ZEB2: variants seen among roughly 807,000 people sequenced by gnomAD.
The protein encoded by ZEB2 is zinc finger E-box binding homeobox 2.
In ZEB2, 6 loss-of-function variants were observed where a neutral mutation model predicts 99.9. The observed-to-expected ratio is 0.06, with a 90% CI of 0.03 to 0.12. The LOEUF is 0.12. ZEB2 is among the 10% of genes least tolerant of loss of function. The probability of loss-of-function intolerance (pLI) is 1.00; values close to 1 mark genes in which losing one functional copy is unlikely to be tolerated. For missense variants in ZEB2, 969 were observed against 1,502.8 expected (o/e 0.64, Z 5.87); for synonymous variants, 517 against 542.5 (o/e 0.95, Z 0.65).
At chr2:144,451,356 T>C (rs1447173241) in intron 2 of ZEB2, among the ~76,000 whole-genome samples, 1 of 152,168 alleles carries the variant, frequency 6.6e-6, no homozygotes, top group Non-Finnish European at 1.5e-5. Context: ...CATCCACTGT[T>C]TTTTCGGTAT....
intron 4 of ZEB2, among the ~76,000 whole-genome samples, chr2:144,419,771 C>T (rs1036358538): frequency 1.3e-5 from 2 of 151,998 alleles, no homozygotes; most frequent in South Asian, 2.1e-4. Flanking sequence ...GAAAGCATTA[C>T]AATTTTGTTC....
intron 2 of ZEB2, among the ~76,000 whole-genome samples, chr2:144,468,318 T>C (rs6717029): frequency 0.78 from 119,266 of 152,118 alleles, 47,131 homozygotes; most frequent in Non-Finnish European, 0.83. Flanking sequence ...GTTGCTAAGT[T>C]GGACACAAAA....
chr2:144,410,336 G>T (rs1312985730), intron 4 of ZEB2, among the ~76,000 whole-genome samples: 1 of 152,064 alleles, frequency 6.6e-6, no homozygotes, highest in Non-Finnish European at 1.5e-5. Context: ...CAATATGTTG[G>T]CCACTCTTAC....
Position 144,418,826 on chromosome 2 carries a change from G to A in ZEB2, c.403+5970C>T, listed in dbSNP as rs1444587106. Among the ~76,000 whole-genome samples the A allele has an allele frequency of 2.6e-5, 4 of 152,040 alleles. No individual in the cohort carries two copies. In the East Asian group the frequency reaches 7.7e-4, roughly 29 times the overall value. On this transcript the variant is annotated intron_variant, in intron 4 of 9. Coordinates refer to ENST00000627532, the MANE Select transcript of ZEB2 (RefSeq NM_014795.4). Reference sequence around the variant, plus strand: ...ATGACACAATGGACTTTGGGGAAATGGTGGGAGGGTGATGAGGGAAAAAAA... The same window carrying A: ...ATGACACAATGGACTTTGGGGAAATAGTGGGAGGGTGATGAGGGAAAAAAA...
intron 2 of ZEB2, among the ~76,000 whole-genome samples, chr2:144,433,577 T>C (rs1268857137): frequency 6.6e-6 from 1 of 152,186 alleles, no homozygotes; most frequent in Non-Finnish European, 1.5e-5. Flanking sequence ...ATTTGCTTTA[T>C]AGCAAATGGG....
chr2:144,451,641 G>A (rs1386733653), intron 2 of ZEB2, among the ~76,000 whole-genome samples: 1 of 152,144 alleles, frequency 6.6e-6, no homozygotes, highest in Non-Finnish European at 1.5e-5. Flanking sequence ...GGTTCATTTG[G>A]GAAGCTAGCA....
intron 2 of ZEB2, among the ~76,000 whole-genome samples, chr2:144,432,275 C>T (rs1175743552): frequency 6.6e-6 from 1 of 152,154 alleles, no homozygotes; most frequent in Non-Finnish European, 1.5e-5. Flanking sequence ...AGGGTTTGTG[C>T]TCACAAATAG....
At chr2:144,514,391 G>C (rs1183029472) in intron 2 of ZEB2, 1 of 151,998 alleles carries the variant, frequency 6.6e-6, no homozygotes, top group Non-Finnish European at 1.5e-5. Flanking sequence ...TTCCCTTCCA[G>C]CTTCTACTTA....
At chr2:144,408,818 C>T (rs1271476185) in intron 4 of ZEB2, among the ~76,000 whole-genome samples, 1 of 152,180 alleles carries the variant, frequency 6.6e-6, no homozygotes, top group Non-Finnish European at 1.5e-5. Context: ...GAGCCAATCT[C>T]AGTCCTCTCT....
At chr2:144,502,736 T>C (rs539469479) in intron 2 of ZEB2, among the ~76,000 whole-genome samples, 1 of 152,198 alleles carries the variant, frequency 6.6e-6, no homozygotes, top group Non-Finnish European at 1.5e-5. Flanking sequence ...TTTCTTTAGA[T>C]AGGCGAGCTG....
rs1451219938 is a variant in ZEB2, at chr2:144,517,323, G to A, written c.28C>T (p.Pro10Ser). 1.2e-6 allele frequency: 2 copies of A among 1,613,572 alleles called. No individual in the cohort carries two copies. Among genetic ancestry groups the A allele is most frequent in the Admixed American group, 3.3e-5 (2 of 60,024 alleles). Residue 10 changes from proline to serine, a missense_variant, in exon 2 of 10, where the codon CCC (proline) becomes TCC (serine). Coordinates refer to ENST00000627532, the MANE Select transcript of ZEB2 (RefSeq NM_014795.4). MKQPIMADG[P>S]RCKRRKQANP... ...GCTTGTTTGCGCCTCTTGCACCGGGGGCCATCCGCCATGATCGGCTGCTTC... is the reference window on the plus strand; with the variant it reads ...GCTTGTTTGCGCCTCTTGCACCGGGAGCCATCCGCCATGATCGGCTGCTTC...
At position 144,395,965 on chromosome 2, in the gene ZEB2, G is replaced by A. The variant is rs956819122; in HGVS notation, c.3067+447C>T. Among the ~76,000 whole-genome samples the A allele has an allele frequency of 7.3e-4, 111 of 151,352 alleles. 1 individual carries two copies. The highest frequency in any genetic ancestry group is 2.6e-3 in the African/African-American group (107 of 41,286). On this transcript the variant is annotated intron_variant, in intron 9 of 9. Transcript: ENST00000627532. ...AAATGTGGCGAATTTAAAAAAAAAA[G>A]GCAAACAAAATTACCCCTAAATTAT... is the stretch of plus-strand genomic sequence containing the variant.
chr2:144,415,553 T>C (rs1703528449), intron 4 of ZEB2, among the ~76,000 whole-genome samples: 1 of 152,192 alleles, frequency 6.6e-6, no homozygotes, highest in South Asian at 2.1e-4. Context: ...ACCCATCCCT[T>C]ACAGACCTTT....
At position 144,405,058 on chromosome 2, in the gene ZEB2, CG is replaced by C. The variant is rs766416384; in HGVS notation, c.404-35del. 32 of 1,603,508 alleles carry C rather than the reference CG, an allele frequency of 2.0e-5. No individual in the cohort carries two copies. In the East Asian group the frequency reaches 6.3e-4, roughly 31 times the overall value. On this transcript the variant is annotated intron_variant, in intron 4 of 9. Transcript: ENST00000627532. ...ATAAAAGGAGAAGAAATGTTGTTTC[CG>C]GGCCTTCTTCCTAGGATCCCAAGTC...
chr2:144,442,894 T>C (rs533003169), intron 2 of ZEB2, among the ~76,000 whole-genome samples: 12 of 152,306 alleles, frequency 7.9e-5, no homozygotes, highest in African/African-American at 2.9e-4. Context: ...TATTGTAACA[T>C]AGTTGCACTT....
intron 2 of ZEB2, among the ~76,000 whole-genome samples, chr2:144,508,104 A>C (rs927027684): frequency 2.0e-5 from 3 of 152,184 alleles, no homozygotes; most frequent in Admixed American, 6.5e-5. Flanking sequence ...AAATAACATA[A>C]AACTTAATTA....
chr2:144,499,837 T>C lies in ZEB2; in HGVS notation c.73+17441A>G, dbSNP rs541570834. Reference sequence around the variant, plus strand: ...ACAATTTTGACCCGTGTAACAATTTTAGGCTTGCAATTTGTGTTGTTATAT... The same window carrying C: ...ACAATTTTGACCCGTGTAACAATTTCAGGCTTGCAATTTGTGTTGTTATAT... On this transcript the variant is annotated intron_variant, in intron 2 of 9. Coordinates refer to ENST00000627532, the MANE Select transcript of ZEB2 (RefSeq NM_014795.4). Among the ~76,000 whole-genome samples the C allele has an allele frequency of 1.6e-4, 25 of 152,282 alleles. 1 individual carries two copies. The South Asian group carries it at 1.9e-3, about 11-fold the overall frequency.
At chr2:144,474,684 T>G (rs1212947415) in intron 2 of ZEB2, among the ~76,000 whole-genome samples, 1 of 152,196 alleles carries the variant, frequency 6.6e-6, no homozygotes, top group African/African-American at 2.4e-5. Flanking sequence ...TGTCTGAGCC[T>G]GAGGACTCTC....
intron 2 of ZEB2, among the ~76,000 whole-genome samples, chr2:144,508,948 C>T (rs766979286): frequency 8.6e-5 from 13 of 151,968 alleles, no homozygotes; most frequent in Non-Finnish European, 1.6e-4. Context: ...TAATGTGCTG[C>T]CTTGATTCCT....
Sources: allele counts gnomAD v4.1 joint callset (sites outside exome capture counted in the v4.1 genomes callset), GRCh38; gene constraint gnomAD v4.1.1; transcripts MANE v1.5; gene names NCBI Gene and HGNC (gene_info 2026-07-23, HGNC 2026-07-21).